The following MACROD2 variants were observed in gnomAD, a reference collection of about 807,000 sequenced individuals.
MACROD2 encodes mono-ADP ribosylhydrolase 2.
In MACROD2, 36 loss-of-function variants were observed where a neutral mutation model predicts 70.4. The observed-to-expected ratio is 0.51, with a 90% confidence interval of 0.39 to 0.68. The LOEUF is 0.68. Among genes scored for constraint, MACROD2 ranks in the 30% least tolerant of loss-of-function variants. The pLI is 0.00. For synonymous variants in MACROD2, 172 were observed against 178.8 expected, an observed-to-expected ratio of 0.96 and a Z score of 0.30; for missense variants, 496 against 538.4, an observed-to-expected ratio of 0.92 and a Z score of 0.78.
chr20:15,286,383 C>T (rs1288238897), intron 6 of MACROD2, among the ~76,000 whole-genome samples: 1 of 151,644 alleles, frequency 6.6e-6, no homozygotes, highest in African/African-American at 2.4e-5. Context: ...ACATGATTCT[C>T]CAGGTTTATC....
At chr20:14,766,694 C>A (rs204110) in intron 5 of MACROD2, among the ~76,000 whole-genome samples, 1 of 152,006 alleles carries the variant, frequency 6.6e-6, no homozygotes, top group Non-Finnish European at 1.5e-5. Flanking sequence ...GACTGTGCTC[C>A]AAGGAATCCA....
chr20:15,658,534 G>A (rs967322377), intron 8 of MACROD2, among the ~76,000 whole-genome samples: 1 of 152,058 alleles, frequency 6.6e-6, no homozygotes, highest in African/African-American at 2.4e-5. Context: ...AGAGAAGTGA[G>A]GTTGGTCAGG....
At chr20:14,251,563 G>A (rs551021421) in intron 3 of MACROD2, among the ~76,000 whole-genome samples, 2 of 152,176 alleles carry the variant, frequency 1.3e-5, no homozygotes, top group East Asian at 3.9e-4. Flanking sequence ...GAGCAAAGGT[G>A]AAACAGCGAA....
chr20:14,933,819 G>A (rs1438199071), intron 5 of MACROD2: 1 of 151,922 alleles, frequency 6.6e-6, no homozygotes, highest in Non-Finnish European at 1.5e-5. Flanking sequence ...ATTTATTGAA[G>A]GTAATGGTTT....
chr20:14,111,742 C>A (rs1277929407), intron 3 of MACROD2, among the ~76,000 whole-genome samples: 2 of 151,894 alleles, frequency 1.3e-5, no homozygotes, highest in African/African-American at 4.8e-5. Flanking sequence ...GAAAAGGGAA[C>A]CTTTGTACAC....
chr20:14,488,916 T>C (rs543293184), intron 3 of MACROD2, among the ~76,000 whole-genome samples: 1 of 152,208 alleles, frequency 6.6e-6, no homozygotes, highest in Admixed American at 6.5e-5. Context: ...TTAACAACAG[T>C]AATTCTGTTT....
intron 5 of MACROD2, among the ~76,000 whole-genome samples, chr20:15,094,931 A>G (rs1448791578): frequency 6.6e-6 from 1 of 152,018 alleles, no homozygotes; most frequent in Non-Finnish European, 1.5e-5. Context: ...GTCAAGTTTT[A>G]GCTTCTTCCC....
chr20:14,663,055 C>A (rs974007193), intron 4 of MACROD2, among the ~76,000 whole-genome samples: 4 of 151,978 alleles, frequency 2.6e-5, no homozygotes, highest in African/African-American at 7.2e-5. Flanking sequence ...CACTACTATT[C>A]ATAATAGCAA....
chr20:15,409,676 G>C (rs1478847626), intron 6 of MACROD2, among the ~76,000 whole-genome samples: 1 of 152,208 alleles, frequency 6.6e-6, no homozygotes, highest in East Asian at 1.9e-4. Context: ...ATCCGATACA[G>C]TTGCATTATT....
chr20:14,529,896 G>A (rs1050089876), intron 4 of MACROD2, among the ~76,000 whole-genome samples: 6 of 152,218 alleles, frequency 3.9e-5, no homozygotes, highest in Non-Finnish European at 8.8e-5. Flanking sequence ...GAGGGTAATA[G>A]TGTTTTCTTT....
chr20:15,086,670 A>G (rs752306114), intron 5 of MACROD2, among the ~76,000 whole-genome samples: 1 of 152,180 alleles, frequency 6.6e-6, no homozygotes, highest in African/African-American at 2.4e-5. Flanking sequence ...AAACAAACAC[A>G]TGAAGTATCT....
At chr20:15,899,605 A>C (rs2065034207) in intron 10 of MACROD2, among the ~76,000 whole-genome samples, 1 of 152,220 alleles carries the variant, frequency 6.6e-6, no homozygotes, top group African/African-American at 2.4e-5. Context: ...AATTTTCTAC[A>C]TACCTGAGTC....
In MACROD2 at chr20:15,021,246, GTA is replaced by G. The variant is rs1282740213; in HGVS notation, c.419-208692_419-208691del. 3.2e-3 allele frequency among the ~76,000 whole-genome samples: 31 copies of G among 9,836 alleles called. 6 individuals are homozygous for G. Among genetic ancestry groups the G allele is most frequent in the African/African-American group, 0.016 (24 of 1,522 alleles). The allele number at this position is 9,836 out of a possible 152,430, so 6.5% of individuals were successfully genotyped here. On this transcript the variant is annotated intron_variant, in intron 5 of 17. Transcript: ENST00000684519. ...GGTGTGCGTATACACACACCTGTGT[GTA>G]TGTATACACACACCTGTGTGTGTGT...
Position 15,622,075 on chromosome 20 carries a change from C to T in MACROD2, c.645+122228C>T, listed in dbSNP as rs183315275. ...TGGATGCACACTGAAGGGGAAGGAC[C>T]AGGGGATGGGGCGAGGCATTGCTGT... On this transcript the variant is annotated intron_variant, in intron 8 of 17. Transcript: ENST00000684519. Among the ~76,000 whole-genome samples, 487 of 152,260 alleles carry T rather than the reference C, an allele frequency of 3.2e-3. 1 individual carries two copies. Among genetic ancestry groups the T allele is most frequent in the Admixed American group, 7.7e-3 (117 of 15,290 alleles).
At chr20:15,690,954 G>T (rs1285757427) in intron 8 of MACROD2, among the ~76,000 whole-genome samples, 1 of 152,232 alleles carries the variant, frequency 6.6e-6, no homozygotes, top group African/African-American at 2.4e-5. Flanking sequence ...TTGATGGACT[G>T]AGCAAGTCTC....
At chr20:15,294,686 GC>G (rs1171074571) in intron 6 of MACROD2, among the ~76,000 whole-genome samples, 2 of 152,206 alleles carry the variant, frequency 1.3e-5, no homozygotes, top group Admixed American at 1.3e-4. Flanking sequence ...CACTTGGGCT[GC>G]CACAAGGCCA....
chr20:14,459,420 A>G (rs1048341512), intron 3 of MACROD2, among the ~76,000 whole-genome samples: 2 of 152,022 alleles, frequency 1.3e-5, no homozygotes, highest in Admixed American at 6.6e-5. Context: ...TTTTGTATTT[A>G]AAAATCTATC....
At chr20:15,504,468 TA>T (rs1304136866) in intron 8 of MACROD2, among the ~76,000 whole-genome samples, 2 of 151,978 alleles carry the variant, frequency 1.3e-5, no homozygotes, top group Admixed American at 6.6e-5. Flanking sequence ...TTGAAAATCT[TA>T]AAAAAACAAA....
intron 5 of MACROD2, among the ~76,000 whole-genome samples, chr20:15,097,414 A>G (rs999656600): frequency 1.3e-5 from 2 of 152,198 alleles, no homozygotes; most frequent in African/African-American, 4.8e-5. Context: ...ATCTTGGTGT[A>G]TAGTTCAATT....
Sources: gnomAD v4.1 joint callset for allele counts (sites outside exome capture counted in the v4.1 genomes callset) on GRCh38, gnomAD v4.1.1 for gene constraint, MANE v1.5 for transcripts, NCBI Gene and HGNC (gene_info 2026-07-23, HGNC 2026-07-21) for gene names.